The following SUPT3H variants were observed in gnomAD, a reference collection of about 807,000 sequenced individuals.
SUPT3H encodes SPT3 homolog, SAGA and STAGA complex component.
In SUPT3H, 44 loss-of-function variants were observed where a neutral mutation model predicts 44.3. The ratio of observed to expected loss-of-function variants is 0.99; its 90% CI spans 0.78 to 1.28. The LOEUF is 1.28. Ranked by LOEUF, SUPT3H falls within the 50% of genes most tolerant of loss-of-function variation. SUPT3H has a pLI of 0.00. For synonymous variants in SUPT3H, 124 were observed against 125.6 expected (o/e 0.99, Z 0.09); for missense variants, 380 against 387.1 (o/e 0.98, Z 0.15).
intron 2 of SUPT3H, among the ~76,000 whole-genome samples, chr6:45,181,946 A>C (rs1304558483): frequency 6.6e-6 from 1 of 152,024 alleles, no homozygotes; most frequent in South Asian, 2.1e-4. Context: ...GAAAGTGCTA[A>C]GTAAATTTAT....
chr6:44,946,543 C>T (rs1288206644), intron 9 of SUPT3H, among the ~76,000 whole-genome samples: 1 of 152,096 alleles, frequency 6.6e-6, no homozygotes, highest in Non-Finnish European at 1.5e-5. Flanking sequence ...TTGAGCGGTC[C>T]AGACTTCAGT....
chr6:44,890,502 C>T (rs974824817), intron 10 of SUPT3H, among the ~76,000 whole-genome samples: 9 of 150,484 alleles, frequency 6.0e-5, no homozygotes, highest in Admixed American at 1.3e-4. Context: ...AGTAAACTAT[C>T]GCCAGAACAA....
intron 2 of SUPT3H, among the ~76,000 whole-genome samples, chr6:45,305,105 A>G (rs1010052547): frequency 6.6e-6 from 1 of 152,184 alleles, no homozygotes; most frequent in African/African-American, 2.4e-5. Context: ...AATTCCAGAG[A>G]ATGACATGGC....
At chr6:45,302,333 C>T (rs973642808) in intron 2 of SUPT3H, among the ~76,000 whole-genome samples, 1 of 151,694 alleles carries the variant, frequency 6.6e-6, no homozygotes, top group African/African-American at 2.4e-5. Context: ...TTAGCTCCCC[C>T]TTATGAGTGA....
intron 10 of SUPT3H, among the ~76,000 whole-genome samples, chr6:44,888,844 C>T (rs2153439715): frequency 6.6e-6 from 1 of 150,770 alleles, no homozygotes; most frequent in African/African-American, 2.4e-5. Flanking sequence ...TTGCAGATGA[C>T]ATGATTGTAT....
chr6:44,963,457 A>C (rs549309383), intron 6 of SUPT3H, among the ~76,000 whole-genome samples: 1 of 151,616 alleles, frequency 6.6e-6, no homozygotes, highest in Non-Finnish European at 1.5e-5. Flanking sequence ...GCCACTGCAC[A>C]CCAGCCTGGG....
At chr6:44,980,573 C>A (rs573629053) in intron 6 of SUPT3H, among the ~76,000 whole-genome samples, 98 of 152,198 alleles carry the variant, frequency 6.4e-4, no homozygotes, top group Middle Eastern at 3.4e-3. Context: ...TGTTAAAATA[C>A]CCAGCTACAA....
chr6:45,365,246 C>G lies in SUPT3H; in HGVS notation c.56G>C (p.Ser19Thr). ...TGCAAAGCTTATAGACTTCCCTGTA[C>G]TCCTTCCACTACTTGAAGTTGCAGT... The part of the protein sequence containing the change: ...MSTATSSSGR[S>T]TGKSISFATE... Residue 19 changes from serine (S) to threonine (T), a missense_variant, in exon 2 of 11, where the codon AGT becomes ACT. Ser to Thr is a moderately conservative substitution (Grantham distance 58, BLOSUM62 1). Coordinates refer to ENST00000371459, the MANE Select transcript of SUPT3H (RefSeq NM_003599.4). 6.2e-7 allele frequency: 1 copy of G among 1,612,516 alleles called. No homozygotes were observed. Among genetic ancestry groups the G allele is most frequent in the Non-Finnish European group, 8.5e-7 (1 of 1,179,166 alleles).
intron 10 of SUPT3H, among the ~76,000 whole-genome samples, chr6:44,853,011 G>A (rs1773137678): frequency 6.6e-6 from 1 of 152,108 alleles, no homozygotes; most frequent in Non-Finnish European, 1.5e-5. Context: ...CCTAGTGGCT[G>A]TAGAAAGTAT....
chr6:44,834,446 G>A (rs1196855874), intron 10 of SUPT3H, among the ~76,000 whole-genome samples: 6 of 152,124 alleles, frequency 3.9e-5, no homozygotes, highest in Non-Finnish European at 8.8e-5. Flanking sequence ...AGATGCCACT[G>A]TTAGGAGCAC....
At chr6:45,082,700 C>T (rs1469669057) in intron 3 of SUPT3H, among the ~76,000 whole-genome samples, 1 of 152,022 alleles carries the variant, frequency 6.6e-6, no homozygotes, top group African/African-American at 2.4e-5. Context: ...AGCATTCTCC[C>T]TAAGAATAGG....
chr6:45,217,468 C>T (rs1235262174), intron 2 of SUPT3H, among the ~76,000 whole-genome samples: 4 of 150,936 alleles, frequency 2.7e-5, no homozygotes, highest in Non-Finnish European at 1.5e-5. Flanking sequence ...GAGCAAGATT[C>T]CGCCTCAAAA....
intron 2 of SUPT3H, among the ~76,000 whole-genome samples, chr6:45,181,177 C>T (rs1301227133): frequency 8.3e-6 from 1 of 120,760 alleles, no homozygotes; most frequent in Non-Finnish European, 1.7e-5. Flanking sequence ...TACCATCTCA[C>T]ACCAGTTAGA....
intron 10 of SUPT3H, among the ~76,000 whole-genome samples, chr6:44,889,285 C>G (rs1398724378): frequency 1.3e-5 from 2 of 152,088 alleles, no homozygotes. Flanking sequence ...TCATATGGAA[C>G]CAAAACAGAG....
intron 3 of SUPT3H, among the ~76,000 whole-genome samples, chr6:45,054,151 T>C (rs1410754550): frequency 6.6e-6 from 1 of 151,830 alleles, no homozygotes; most frequent in Admixed American, 6.6e-5. Flanking sequence ...GTTATAGGGG[T>C]CTCAGTCATG....
chr6:44,971,377 GT>G (rs1777544341), intron 6 of SUPT3H, among the ~76,000 whole-genome samples: 1 of 152,134 alleles, frequency 6.6e-6, no homozygotes, highest in African/African-American at 2.4e-5. Context: ...AAGGAAAGAA[GT>G]TTAACTGACT....
chr6:45,109,777 T>C (rs1415090799), intron 2 of SUPT3H, among the ~76,000 whole-genome samples: 1 of 152,102 alleles, frequency 6.6e-6, no homozygotes, highest in Non-Finnish European at 1.5e-5. Flanking sequence ...GCAATGTATG[T>C]ACTACTTGTA....
intron 3 of SUPT3H, among the ~76,000 whole-genome samples, chr6:45,029,658 G>A (rs559178920): frequency 6.6e-6 from 1 of 152,236 alleles, no homozygotes; most frequent in South Asian, 2.1e-4. Flanking sequence ...AGTTTTGAAT[G>A]TAAGCAAAGG....
intron 2 of SUPT3H, among the ~76,000 whole-genome samples, chr6:45,256,810 TA>T (rs1288808429): frequency 6.6e-6 from 1 of 152,248 alleles, no homozygotes; most frequent in Non-Finnish European, 1.5e-5. Context: ...TATGTGGATA[TA>T]CCACATTTTG....
Sources: gnomAD v4.1 joint callset for allele counts (sites outside exome capture counted in the v4.1 genomes callset) on GRCh38, gnomAD v4.1.1 for gene constraint, MANE v1.5 for transcripts, NCBI Gene and HGNC (gene_info 2026-07-23, HGNC 2026-07-21) for gene names.